Variants in SMCHD1 observed in about 807,000 individuals in gnomAD.
SMCHD1 encodes structural maintenance of chromosomes flexible hinge domain containing 1, also known as structural maintenance of chromosomes flexible hinge domain-containing protein 1.
A neutral mutation model predicts 254.7 loss-of-function variants in SMCHD1; 78 were observed. The ratio of observed to expected loss-of-function variants is 0.31; its 90% confidence interval spans 0.26 to 0.37. The LOEUF (loss-of-function observed/expected upper bound fraction) is 0.37, where lower values mean the gene tolerates loss of function less well. Ranked by LOEUF, SMCHD1 falls within the 10% of genes least tolerant of loss-of-function variation. SMCHD1 has a pLI of 1.00. For synonymous variants in SMCHD1, 766 were observed against 794.9 expected (o/e 0.96, Z 0.61); for missense variants, 1,840 against 2,408.1 (o/e 0.76, Z 4.94).
At chr18:2,789,015 T>G (rs890381860) in intron 45 of SMCHD1, among the ~76,000 whole-genome samples, 9 of 151,720 alleles carry the variant, frequency 5.9e-5, no homozygotes, top group African/African-American at 2.2e-4. Flanking sequence ...GTTTTTCTTT[T>G]TTTGTTTGTT....
intron 8 of SMCHD1, among the ~76,000 whole-genome samples, chr18:2,696,736 G>A (rs1056353198): frequency 9.2e-5 from 14 of 152,200 alleles, no homozygotes; most frequent in African/African-American, 3.4e-4. Context: ...TGGAAGTGGT[G>A]TATGTGGTCT....
intron 37 of SMCHD1, among the ~76,000 whole-genome samples, chr18:2,768,887 G>C (rs1475106595): frequency 6.6e-6 from 1 of 151,922 alleles, no homozygotes; most frequent in African/African-American, 2.4e-5. Flanking sequence ...CTGATTGGCA[G>C]TTGGTTTAAT....
intron 34 of SMCHD1, chr18:2,752,913 C>G (rs2075602337): frequency 5.4e-6 from 1 of 183,816 alleles, no homozygotes; most frequent in South Asian, 1.1e-4. Flanking sequence ...CATTCTGGAC[C>G]TCCATTTTCA....
At chr18:2,739,653 T>A in intron 27 of SMCHD1, 133 bp downstream of exon 27, 1 of 631,836 alleles carries the variant, frequency 1.6e-6, no homozygotes, top group South Asian at 2.2e-5. Context: ...TAAAATCTAT[T>A]GTCAGATAAG....
In SMCHD1 at chr18:2,769,819, TG is replaced by T; in HGVS notation, c.4846+1del. Reference protein sequence around the residue: ...PYILPFMFYNDVKKQQQMAAL... With the variant: ...PYILPFMFYNXVKKQQQMAAL... ...ATATCCTACCGTTCATGTTTTACAA[TG>T]GTAAGTTTCTAGGAAATAAATGGTT... On this transcript the variant is annotated frameshift_variant and splice_region_variant, in exon 38 of 48. Coordinates refer to ENST00000320876, the MANE Select transcript of SMCHD1 (RefSeq NM_015295.3). LOFTEE classifies it high-confidence loss of function. The T allele has an allele frequency of 6.3e-7, 1 of 1,598,480 alleles. No individual in the cohort carries two copies. The highest frequency in any genetic ancestry group is 8.5e-7 in the Non-Finnish European group (1 of 1,172,194).
chr18:2,717,364 T>G (rs1212237097), intron 17 of SMCHD1, among the ~76,000 whole-genome samples: 1 of 152,188 alleles, frequency 6.6e-6, no homozygotes, highest in Admixed American at 6.5e-5. Context: ...GCTTTTTTTT[T>G]GAGACAAGGT....
chr18:2,734,960 A>G (rs748706304), intron 25 of SMCHD1, among the ~76,000 whole-genome samples: 27 of 151,854 alleles, frequency 1.8e-4, no homozygotes, highest in Non-Finnish European at 3.2e-4. Context: ...GATCCCAGCT[A>G]CTCAGGAGGC....
chr18:2,726,401 T>G (rs759304556), intron 21 of SMCHD1, 51 bp from the exon 22 acceptor site: 17 of 959,890 alleles, frequency 1.8e-5, no homozygotes, highest in Middle Eastern at 4.2e-4. Context: ...GATAAACTAC[T>G]TAAGTATGTA....
Position 2,763,781 on chromosome 18 carries a change from G to A in SMCHD1, c.4711G>A (p.Glu1571Lys). 6.2e-7 allele frequency: 1 copy of A among 1,604,962 alleles called. No individual in the cohort carries two copies. The highest frequency in any genetic ancestry group is 1.1e-5 in the South Asian group (1 of 88,980). Residue 1571 changes from glutamate (E) to lysine (K), a missense_variant, in exon 37 of 48, where the codon GAA becomes AAA. By Grantham distance (56) the Glu-to-Lys change is moderately conservative. Coordinates refer to ENST00000320876, the MANE Select transcript of SMCHD1 (RefSeq NM_015295.3). ...ATTCCCCTTCGTGAATGGTTCGGCTGAAATCATGGTAAATTTTTTATATCT... is the reference window on the plus strand; with the variant it reads ...ATTCCCCTTCGTGAATGGTTCGGCTAAAATCATGGTAAATTTTTTATATCT... ...LEFPFVNGSA[E>K]IMSLVLAESS...
intron 28 of SMCHD1, 39 bp downstream of exon 28, chr18:2,740,860 C>A (rs773754695): frequency 1.6e-6 from 2 of 1,253,264 alleles, no homozygotes; most frequent in Non-Finnish European, 2.3e-6. Context: ...TTGATTTATT[C>A]ATTGTTATAT....
rs780406134 is a variant in SMCHD1, at chr18:2,760,659, G to A, written c.4354G>A (p.Val1452Ile). 3 of 1,535,414 alleles carry A rather than the reference G, an allele frequency of 2.0e-6. No homozygotes were observed. The South Asian group carries it at 3.4e-5, about 17-fold the overall frequency. The change falls in exon 35 of 48, where the codon GTA becomes ATA. Residue 1452 changes from valine (V) to isoleucine (I), a missense_variant. Coordinates refer to ENST00000320876, the MANE Select transcript of SMCHD1 (RefSeq NM_015295.3). ...ACTTTCTTTTAAATTTAGGGATAAAGTAATTCCTAATAAAGTGGGGACATA... is the reference window on the plus strand; with the variant it reads ...ACTTTCTTTTAAATTTAGGGATAAAATAATTCCTAATAAAGTGGGGACATA... ...EDGCFYFRDK[V>I]IPNKVGTYCI...
At position 2,697,892 on chromosome 18, in the gene SMCHD1, A is replaced by C; in HGVS notation, c.1193A>C (p.Asp398Ala). 1 of 1,613,774 alleles carries C rather than the reference A, an allele frequency of 6.2e-7. No homozygotes were observed. Among genetic ancestry groups the C allele is most frequent in the Non-Finnish European group, 8.5e-7 (1 of 1,179,748 alleles). Residue 398 changes from aspartate (D) to alanine (A), a missense_variant, in exon 10 of 48, where the codon GAC becomes GCC. Physicochemically the swap from Asp to Ala is moderately radical, Grantham distance 126. Transcript: ENST00000320876. The stretch of plus-strand genomic sequence containing the variant: ...GTCAACCTAAGGGAAATACAAGACG[A>C]CATGCAGACGTTGTATGTAAACACA... ...KIVNLREIQD[D>A]MQTLYVNTAA...
At chr18:2,724,039 T>C (rs1261893445) in intron 20 of SMCHD1, among the ~76,000 whole-genome samples, 2 of 151,280 alleles carry the variant, frequency 1.3e-5, no homozygotes, top group East Asian at 3.9e-4. Context: ...AATAATAAAA[T>C]ACATCCCTTT....
chr18:2,700,406 C>T, intron 10 of SMCHD1, 133 bp from the exon 11 acceptor site: 1 of 955,934 alleles, frequency 1.0e-6, no homozygotes, highest in Non-Finnish European at 1.5e-6. Context: ...TGTAAACCTA[C>T]CTTTTTGTGG....
At chr18:2,664,385 T>G (rs901635650) in intron 1 of SMCHD1, among the ~76,000 whole-genome samples, 1 of 152,206 alleles carries the variant, frequency 6.6e-6, no homozygotes, top group African/African-American at 2.4e-5. Context: ...CTAATTATTT[T>G]CAATTTAAAG....
chr18:2,711,632 G>A (rs995592170), intron 17 of SMCHD1, among the ~76,000 whole-genome samples: 1 of 151,008 alleles, frequency 6.6e-6, no homozygotes, highest in Non-Finnish European at 1.5e-5. Context: ...ACAGGCGCCC[G>A]CCACTACGCC....
intron 47 of SMCHD1, among the ~76,000 whole-genome samples, chr18:2,798,111 C>T (rs749051313): frequency 1.3e-5 from 2 of 152,026 alleles, no homozygotes; most frequent in Non-Finnish European, 1.5e-5. Flanking sequence ...ACAGGTGTGG[C>T]ATGTTTGAGG....
At position 2,694,443 on chromosome 18, in the gene SMCHD1, T is replaced by A. The variant is rs1353605034; in HGVS notation, c.874-84T>A. 33 of 1,178,288 alleles carry A rather than the reference T, an allele frequency of 2.8e-5. No individual in the cohort carries two copies. In the East Asian group the frequency reaches 8.6e-4, roughly 31 times the overall value. The allele number at this position is 1,178,288 out of a possible 1,614,324, so 73.0% of individuals were successfully genotyped here. ...ACCTATTTGTGAAACTCCAAGTAAATCACATTAAAATTTGATGCAATAGCT... is the reference window on the plus strand; with the variant it reads ...ACCTATTTGTGAAACTCCAAGTAAAACACATTAAAATTTGATGCAATAGCT... On this transcript the variant is annotated intron_variant, in intron 7 of 47. Coordinates refer to ENST00000320876, the MANE Select transcript of SMCHD1 (RefSeq NM_015295.3).
At chr18:2,770,175 TACAC>T in intron 39 of SMCHD1, 67 bp downstream of exon 39, 1 of 1,492,676 alleles carries the variant, frequency 6.7e-7, no homozygotes, top group South Asian at 1.3e-5. Flanking sequence ...GAGATCGTGA[TACAC>T]AAACAAGCTT....
Sources: gnomAD v4.1 joint callset for allele counts (sites outside exome capture counted in the v4.1 genomes callset) on GRCh38, gnomAD v4.1.1 for gene constraint, MANE v1.5 for transcripts, NCBI Gene and HGNC (gene_info 2026-07-23, HGNC 2026-07-21) for gene names.